Variants in POC1B observed in about 807,000 individuals in gnomAD.
The protein encoded by POC1B is POC1 centriolar protein homolog B.
Under a neutral mutation model 60.6 loss-of-function variants are expected in POC1B, and 44 were observed. That is an observed-to-expected ratio of 0.73 (90% CI 0.57 to 0.93). The LOEUF is 0.93. Among genes scored for constraint, POC1B ranks in the 40% least tolerant of loss-of-function variants. The probability of loss-of-function intolerance (pLI) is 0.00; values close to 1 mark genes in which losing one functional copy is unlikely to be tolerated. For missense variants in POC1B, 555 were observed against 572.3 expected (o/e 0.97, Z 0.31); for synonymous variants, 180 against 198.9 (o/e 0.90, Z 0.80).
chr12:89,439,763 C>G (rs1222209104), intron 10 of POC1B, among the ~76,000 whole-genome samples: 1 of 152,046 alleles, frequency 6.6e-6, no homozygotes, highest in African/African-American at 2.4e-5. Flanking sequence ...ACAACCATGC[C>G]TGGCTAATTT....
chr12:89,524,143 G>A (rs758522883), intron 2 of POC1B: 4 of 1,614,026 alleles, frequency 2.5e-6, no homozygotes, highest in Non-Finnish European at 3.4e-6. Context: ...AACAGAGGTG[G>A]TAGGAAGTGT....
At chr12:89,458,875 T>C (rs1882363055) in intron 10 of POC1B, among the ~76,000 whole-genome samples, 1 of 152,226 alleles carries the variant, frequency 6.6e-6, no homozygotes, top group African/African-American at 2.4e-5. Flanking sequence ...TGGAAAGAAT[T>C]AGCAGAATCC....
At chr12:89,417,182 C>T (rs1438335081), downstream of POC1B, among the ~76,000 whole-genome samples, 4 of 152,090 alleles carry the variant, frequency 2.6e-5, no homozygotes, top group Non-Finnish European at 5.9e-5. Context: ...ACAAACTAAC[C>T]TTTGTTTTGT....
chr12:89,407,500 A>C, the POC1B span, among the ~76,000 whole-genome samples: 1 of 152,166 alleles, frequency 6.6e-6, no homozygotes, highest in Non-Finnish European at 1.5e-5. Context: ...AGCCTCCCAA[A>C]GTACTGGGAT....
Position 89,446,045 on chromosome 12 carries a change from C to T in POC1B, c.1113+13593G>A, listed in dbSNP as rs564665057. ...CTGTCAGAGAAATGGAAATCAAAAC[C>T]ACAATGAGATACCATCTCACACCAG... On this transcript the variant is annotated intron_variant, in intron 10 of 11. Coordinates refer to ENST00000313546, the MANE Select transcript of POC1B (RefSeq NM_172240.3). Among the ~76,000 whole-genome samples, 5 of 152,278 alleles carry T rather than the reference C, an allele frequency of 3.3e-5. No individual in the cohort carries two copies. The South Asian group carries it at 1.0e-3, about 32-fold the overall frequency.
At chr12:89,509,735 C>A (rs1221217751) in intron 2 of POC1B, among the ~76,000 whole-genome samples, 1 of 152,188 alleles carries the variant, frequency 6.6e-6, no homozygotes, top group African/African-American at 2.4e-5. Flanking sequence ...CAATAAGAAA[C>A]CTGGCTCCCA....
intron 10 of POC1B, among the ~76,000 whole-genome samples, chr12:89,450,204 A>T (rs952905345): frequency 6.6e-6 from 1 of 152,044 alleles, no homozygotes; most frequent in Admixed American, 6.6e-5. Context: ...CAAGAGGTAA[A>T]TCTTCTTCTT....
At chr12:89,477,627 T>C (rs937021533) in intron 4 of POC1B, among the ~76,000 whole-genome samples, 1 of 152,164 alleles carries the variant, frequency 6.6e-6, no homozygotes, top group Non-Finnish European at 1.5e-5. Flanking sequence ...CTTTCTCTTC[T>C]ACTTCCCCAC....
chr12:89,454,090 T>G (rs1592597568), intron 10 of POC1B, among the ~76,000 whole-genome samples: 2 of 152,308 alleles, frequency 1.3e-5, no homozygotes, highest in East Asian at 3.9e-4. Context: ...TTGCACTGAT[T>G]CAGCCGATCA....
chr12:89,410,294 C>T, the POC1B span, among the ~76,000 whole-genome samples: 6,359 of 152,236 alleles, frequency 0.042, 347 homozygotes, highest in East Asian at 0.19. Context: ...TAGGTATTGA[C>T]GGAACGTCTC....
chr12:89,516,119 ACTCT>A lies in POC1B; in HGVS notation c.100+8997_100+9000del, dbSNP rs144823474. ...TGATTCTCTATTAGTTTCTTCCTCC[ACTCT>A]CTCTAATGACTATTTAATATTGTCT... On this transcript the variant is annotated intron_variant, in intron 2 of 11. Transcript: ENST00000313546. 7.3e-3 allele frequency among the ~76,000 whole-genome samples: 1,110 copies of A among 151,582 alleles called. 12 individuals are homozygous for A. The highest frequency in any genetic ancestry group is 0.025 in the African/African-American group (1,027 of 41,282).
intron 10 of POC1B, among the ~76,000 whole-genome samples, chr12:89,432,907 A>G (rs1318656287): frequency 6.6e-6 from 1 of 152,184 alleles, no homozygotes; most frequent in Admixed American, 6.5e-5. Flanking sequence ...ACAAGAGAAG[A>G]GTTGCAGAGA....
chr12:89,430,672 G>A (rs920532092), intron 10 of POC1B, among the ~76,000 whole-genome samples: 2 of 151,980 alleles, frequency 1.3e-5, no homozygotes, highest in South Asian at 2.1e-4. Context: ...ACAAGACTTC[G>A]TGCCATCAGT....
intron 7 of POC1B, among the ~76,000 whole-genome samples, chr12:89,468,115 C>T (rs1463386980): frequency 6.6e-6 from 1 of 152,108 alleles, no homozygotes; most frequent in Non-Finnish European, 1.5e-5. Flanking sequence ...TCACTGAGTT[C>T]CCCCTTCATG....
At chr12:89,436,833 G>A (rs1056403557) in intron 10 of POC1B, among the ~76,000 whole-genome samples, 1 of 151,894 alleles carries the variant, frequency 6.6e-6, no homozygotes, top group African/African-American at 2.4e-5. Context: ...AATCATTATC[G>A]AATACTATGG....
intron 9 of POC1B, among the ~76,000 whole-genome samples, chr12:89,462,868 T>A (rs1053145338): frequency 6.6e-5 from 10 of 152,186 alleles, no homozygotes; most frequent in African/African-American, 2.4e-4. Context: ...CAGTCTTGTA[T>A]AACTGTTAGA....
chr12:89,490,658 G>A (rs1868917231), intron 4 of POC1B, among the ~76,000 whole-genome samples: 1 of 152,100 alleles, frequency 6.6e-6, no homozygotes, highest in Non-Finnish European at 1.5e-5. Context: ...AGACAGTTCT[G>A]ATAGGGAAAT....
At chr12:89,457,535 A>G (rs1033734659) in intron 10 of POC1B, among the ~76,000 whole-genome samples, 9 of 152,202 alleles carry the variant, frequency 5.9e-5, no homozygotes, top group Non-Finnish European at 1.0e-4. Context: ...CCAGATTACA[A>G]TCTACCTAGA....
downstream of POC1B, among the ~76,000 whole-genome samples, chr12:89,418,347 T>A (rs764153559): frequency 2.6e-5 from 4 of 151,790 alleles, no homozygotes; most frequent in Non-Finnish European, 4.4e-5. Flanking sequence ...GAAAGGGAAG[T>A]TTAAAGAGGA....
Sources: gnomAD v4.1 joint callset for allele counts (sites outside exome capture counted in the v4.1 genomes callset) on GRCh38, gnomAD v4.1.1 for gene constraint, MANE v1.5 for transcripts, NCBI Gene and HGNC (gene_info 2026-07-23, HGNC 2026-07-21) for gene names.